Variants in PARVB observed in about 807,000 individuals in gnomAD.
The protein encoded by PARVB is beta-parvin.
PARVB carries 46 observed loss-of-function variants against 47.0 expected under a neutral mutation model. The observed-to-expected ratio is 0.98, with a 90% CI of 0.77 to 1.25. The LOEUF (loss-of-function observed/expected upper bound fraction) is 1.25, where lower values mean the gene tolerates loss of function less well. Ranked by LOEUF, PARVB falls within the 50% of genes most tolerant of loss-of-function variation. The pLI is 0.00. For synonymous variants in PARVB, 196 were observed against 196.3 expected (o/e 1.00, Z 0.01); for missense variants, 473 against 471.6 (o/e 1.00, Z -0.03).
At chr22:44,023,505 C>T (rs1307180548), upstream of PARVB, among the ~76,000 whole-genome samples, 2 of 139,386 alleles carry the variant, frequency 1.4e-5, no homozygotes, top group Non-Finnish European at 1.6e-5. Flanking sequence ...AGCAAGACTA[C>T]GTCTAAAAAA....
intron 4 of PARVB, among the ~76,000 whole-genome samples, chr22:44,123,367 A>G (rs907665676): frequency 6.6e-6 from 1 of 152,102 alleles, no homozygotes; most frequent in Non-Finnish European, 1.5e-5. Context: ...TTTGAGGTAC[A>G]TAATTTTGAG....
intron 2 of PARVB, among the ~76,000 whole-genome samples, chr22:44,014,291 G>A (rs550290338): frequency 1.3e-5 from 2 of 152,334 alleles, no homozygotes; most frequent in East Asian, 1.9e-4. Context: ...GGCACAGAGT[G>A]CATGCAGCAC....
At chr22:44,097,436 G>A (rs77800018) in intron 2 of PARVB, among the ~76,000 whole-genome samples, 15,734 of 152,260 alleles carry the variant, frequency 0.1, 848 homozygotes, top group Middle Eastern at 0.18. Context: ...AGTGGCCTGC[G>A]GGGGTTTCAT....
At chr22:44,066,036 C>G (rs76624636) in intron 1 of PARVB, among the ~76,000 whole-genome samples, 1,975 of 152,274 alleles carry the variant, frequency 0.013, 38 homozygotes, top group African/African-American at 0.045. Context: ...TAGTCTCCTA[C>G]TTCTTTTTAA....
intron 1 of PARVB, among the ~76,000 whole-genome samples, chr22:44,034,183 C>G (rs2050873669): frequency 6.7e-6 from 1 of 149,296 alleles, no homozygotes; most frequent in Admixed American, 6.7e-5. Flanking sequence ...TCTTTTACTG[C>G]AACAGCAATT....
At chr22:44,078,994 T>C (rs1454801590) in intron 1 of PARVB, among the ~76,000 whole-genome samples, 1 of 152,212 alleles carries the variant, frequency 6.6e-6, no homozygotes, top group Non-Finnish European at 1.5e-5. Context: ...CCCAAAGTGC[T>C]GGGATAACAG....
At chr22:44,084,571 TC>T (rs777731426) in intron 1 of PARVB, among the ~76,000 whole-genome samples, 7 of 152,338 alleles carry the variant, frequency 4.6e-5, no homozygotes, top group Admixed American at 6.5e-5. Context: ...AGGTCTGGCA[TC>T]TTGGTTCTTT....
intron 2 of PARVB, among the ~76,000 whole-genome samples, chr22:44,010,124 T>C (rs2050507691): frequency 1.3e-5 from 2 of 152,100 alleles, no homozygotes; most frequent in South Asian, 4.1e-4. Context: ...ATCTTTAAAA[T>C]TGCAAATGTA....
At chr22:44,121,217 C>T (rs1034119381) in intron 4 of PARVB, among the ~76,000 whole-genome samples, 1 of 151,974 alleles carries the variant, frequency 6.6e-6, no homozygotes, top group South Asian at 2.1e-4. Context: ...GTTGCCCAGG[C>T]CTGTTTTGTA....
chr22:44,140,771 T>G, intron 8 of PARVB: 1 of 335,508 alleles, frequency 3.0e-6, no homozygotes. Context: ...CAGCCCTCTA[T>G]GTGGGCTGGT....
At chr22:44,026,066 T>C (rs1482431870) in intron 1 of PARVB, among the ~76,000 whole-genome samples, 1 of 152,146 alleles carries the variant, frequency 6.6e-6, no homozygotes, top group East Asian at 1.9e-4. Context: ...GAGGAAAAAG[T>C]CTTTCATAGA....
At chr22:44,006,752 A>G (rs1218607824) in intron 2 of PARVB, among the ~76,000 whole-genome samples, 1 of 152,198 alleles carries the variant, frequency 6.6e-6, no homozygotes. Context: ...GTTTGAACTC[A>G]GCACACTTCC....
At chr22:44,042,111 G>A (rs534124524) in intron 1 of PARVB, among the ~76,000 whole-genome samples, 1 of 152,100 alleles carries the variant, frequency 6.6e-6, no homozygotes, top group South Asian at 2.1e-4. Flanking sequence ...TGACATATTG[G>A]GAGAATTGCT....
chr22:44,163,336 G>T (rs1601707477), intron 11 of PARVB, among the ~76,000 whole-genome samples: 1 of 152,090 alleles, frequency 6.6e-6, no homozygotes, highest in African/African-American at 2.4e-5. Context: ...AAATTAGCCG[G>T]GCACAGTGAT....
At chr22:44,070,408 CT>C (rs1375657292) in intron 1 of PARVB, among the ~76,000 whole-genome samples, 6 of 152,212 alleles carry the variant, frequency 3.9e-5, no homozygotes, top group African/African-American at 1.4e-4. Context: ...TCCTTCCCCA[CT>C]TTTGTGGAAT....
intron 1 of PARVB, among the ~76,000 whole-genome samples, chr22:44,082,726 T>G (rs546146950): frequency 1.6e-4 from 24 of 152,270 alleles, no homozygotes; most frequent in Admixed American, 1.1e-3. Context: ...AAGTCTTTCT[T>G]CCTGTTCTCC....
At chr22:44,122,488 A>AAGAGAGAGAGAGAGAGAGAGAGAGAG (rs766162295) in intron 4 of PARVB, among the ~76,000 whole-genome samples, 1 of 76,620 alleles carries the variant, frequency 1.3e-5, no homozygotes, top group Non-Finnish European at 2.5e-5. Context: ...CCTGTCGATC[A>AAGAGAGAGAGAGAGAGAGAGAGAGAG]AGAGAGAGAG....
chr22:44,062,639 A>G (rs1344503874), intron 1 of PARVB, among the ~76,000 whole-genome samples: 1 of 137,428 alleles, frequency 7.3e-6, no homozygotes, highest in Non-Finnish European at 1.5e-5. Flanking sequence ...CCCTGTCTGG[A>G]AAAAAAAAAA....
intron 4 of PARVB, among the ~76,000 whole-genome samples, chr22:44,122,562 C>CAGAGAGAGAGAGAGAGAGAGAGAGAGAG (rs55865160): frequency 2.5e-5 from 2 of 78,786 alleles, no homozygotes; most frequent in Non-Finnish European, 4.8e-5. Flanking sequence ...GACACAGAGA[C>CAGAGAGAGAGAGAGAGAGAGAGAGAGAG]AGAGAGAGAG....
Sources: gnomAD v4.1 joint callset for allele counts (sites outside exome capture counted in the v4.1 genomes callset) on GRCh38, gnomAD v4.1.1 for gene constraint, MANE v1.5 for transcripts, NCBI Gene and HGNC (gene_info 2026-07-23, HGNC 2026-07-21) for gene names.